Variants in LCK observed in about 807,000 individuals in gnomAD.
The protein encoded by LCK is LCK proto-oncogene, Src family tyrosine kinase.
In LCK, 14 loss-of-function variants were observed where a neutral mutation model predicts 64.6. The observed-to-expected ratio is 0.22, with a 90% CI of 0.14 to 0.34. The LOEUF is 0.34. LCK is among the 10% of genes least tolerant of loss of function. The pLI, the probability that LCK is intolerant of heterozygous loss-of-function variation, is 1.00. For missense variants in LCK, 434 were observed against 668.1 expected (o/e 0.65, Z 3.86); for synonymous variants, 277 against 263.6 (o/e 1.05, Z -0.49).
At chr1:32,282,492 G>A (rs996689271) in intron 12 of LCK, among the ~76,000 whole-genome samples, 1 of 152,140 alleles carries the variant, frequency 6.6e-6, no homozygotes, top group East Asian at 1.9e-4. Flanking sequence ...ATTTATTGGC[G>A]ATTGATTCAA....
At chr1:32,274,144 G>T in intron 1 of LCK, 181 bp from the exon 2 acceptor site, 1 of 1,326,000 alleles carries the variant, frequency 7.5e-7, no homozygotes, top group Non-Finnish European at 1.0e-6. Flanking sequence ...GGGCTCAGAG[G>T]GAGCACCGGT....
intron 1 of LCK, among the ~76,000 whole-genome samples, chr1:32,261,136 G>A (rs918490796): frequency 7.9e-5 from 12 of 151,294 alleles, no homozygotes; most frequent in Admixed American, 4.6e-4. Context: ...GTATAATCAC[G>A]GCTCACTGCA....
intron 1 of LCK, chr1:32,269,707 C>CA (rs1640025619): frequency 2.0e-5 from 3 of 151,842 alleles, no homozygotes; most frequent in Admixed American, 2.0e-4. Flanking sequence ...GCTGGGATTA[C>CA]AGGCATGAGC....
chr1:32,276,726 C>T lies in LCK; in HGVS notation c.904C>T (p.Arg302Trp). 1 of 1,613,914 alleles carries T rather than the reference C, an allele frequency of 6.2e-7. No individual in the cohort carries two copies. The highest frequency in any genetic ancestry group is 8.5e-7 in the Non-Finnish European group (1 of 1,179,956). Residue 302 changes from arginine to tryptophan, a missense_variant, in exon 9 of 13, where the codon CGG becomes TGG. Around this residue, in one of 2 missense-constraint regions of LCK, gnomAD observed 201 missense variants for 376.9 expected, o/e 0.53. Coordinates refer to ENST00000336890, the MANE Select transcript of LCK (RefSeq NM_005356.5). This position sits in a 1 kb window ranked among gnomAD's most constrained non-coding sequence, Gnocchi z 4.6. ...MKQLQHQRLV[R>W]LYAVVTQEPI... ...GCAGCTGCAACACCAGCGGCTGGTT[C>T]GGCTCTACGCTGTGGTCACCCAGGA...
At chr1:32,285,027 G>A (rs1020506643) in intron 12 of LCK, among the ~76,000 whole-genome samples, 12 of 151,500 alleles carry the variant, frequency 7.9e-5, no homozygotes, top group Non-Finnish European at 1.5e-5. Context: ...TAATCAGGTG[G>A]GCACGGTGGC....
At chr1:32,272,515 G>T (rs893293104) in intron 1 of LCK, among the ~76,000 whole-genome samples, 1 of 149,562 alleles carries the variant, frequency 6.7e-6, no homozygotes, top group Non-Finnish European at 1.5e-5. Flanking sequence ...AGCCCAGGAG[G>T]TCTAAGGGGA....
In LCK at chr1:32,280,181, T is replaced by C; in HGVS notation, c.1298T>C (p.Ile433Thr). 6.2e-7 allele frequency: 1 copy of C among 1,613,994 alleles called. No individual in the cohort carries two copies. Reference protein sequence around the residue: ...VWSFGILLTEIVTHGRIPYPG... With the variant: ...VWSFGILLTETVTHGRIPYPG... Reference sequence around the variant, plus strand: ...TCTTTTGGGATCCTGCTGACGGAAATTGTCACCCACGGCCGCATCCCTTAC... The same window carrying C: ...TCTTTTGGGATCCTGCTGACGGAAACTGTCACCCACGGCCGCATCCCTTAC... The change falls in exon 12 of 13, where the codon ATT (isoleucine) becomes ACT (threonine). Residue 433 changes from isoleucine (I) to threonine (T), a missense_variant. Ile to Thr is a moderately conservative substitution (Grantham distance 89). Transcript: ENST00000336890.
At chr1:32,267,536 A>G (rs57658832) in intron 1 of LCK, among the ~76,000 whole-genome samples, 16,823 of 151,748 alleles carry the variant, frequency 0.11, 2,230 homozygotes, top group African/African-American at 0.32. Flanking sequence ...CGAGGAGGGC[A>G]GATCACCTGA....
At position 32,276,381 on chromosome 1, in the gene LCK, A is replaced by ACCCAGAAGC. The variant is rs1640271932; in HGVS notation, c.687_695dup (p.Gln230_Pro232dup). On this transcript the variant is annotated inframe_insertion, in exon 8 of 13. Transcript: ENST00000336890. This position sits in a 1 kb window ranked among gnomAD's most constrained non-coding sequence, Gnocchi z 4.6. ...CACACGGTTGAGCCGCCCCTGCCAG[A>ACCCAGAAGC]CCCAGAAGCCCCAGAAGCCGTGGTG... The ACCCAGAAGC allele has an allele frequency of 6.2e-7, 1 of 1,611,582 alleles. No homozygotes were observed. The highest frequency in any genetic ancestry group is 8.5e-7 in the Non-Finnish European group (1 of 1,179,712).
At position 32,276,896 on chromosome 1, in the gene LCK, TC is replaced by T. The variant is rs1340929939; in HGVS notation, c.964+111del. The T allele has an allele frequency of 8.4e-7, 1 of 1,189,268 alleles. No homozygotes were observed. The highest frequency in any genetic ancestry group is 1.1e-6 in the Non-Finnish European group (1 of 880,144). The allele number at this position is 1,189,268 out of a possible 1,614,324, so 73.7% of individuals were successfully genotyped here. A position where few individuals can be genotyped will look rare whatever the true frequency, so the allele number is the denominator to read the frequency against. On this transcript the variant is annotated intron_variant, in intron 9 of 12. Transcript: ENST00000336890. The surrounding 1 kb of genome is among the most constrained non-coding windows in gnomAD (Gnocchi z 4.6). ...GCCCAAAGCTCAAGCAAGGAGGGTT[TC>T]TTGAGCTTTCCTGCCCCCTGGAGAC...
Position 32,276,127 on chromosome 1 carries a change from T to TGTCC in LCK, c.631+65_631+68dup, listed in dbSNP as rs1196937422. 8 of 1,576,384 alleles carry TGTCC rather than the reference T, an allele frequency of 5.1e-6. No homozygotes were observed. The East Asian group carries it at 1.6e-4, about 31-fold the overall frequency. ...CTATCTCCCCTCAGTCCCCCTCAGG[T>TGTCC]GTCCCCCATCCATCTTTCAATGCCC... On this transcript the variant is annotated intron_variant, in intron 7 of 12. Coordinates refer to ENST00000336890, the MANE Select transcript of LCK (RefSeq NM_005356.5). The surrounding 1 kb of genome is among the most constrained non-coding windows in gnomAD (Gnocchi z 4.6).
intron 1 of LCK, among the ~76,000 whole-genome samples, chr1:32,265,220 T>C (rs1450690414): frequency 6.6e-6 from 1 of 151,832 alleles, no homozygotes; most frequent in Non-Finnish European, 1.5e-5. Flanking sequence ...TTTAATTAAG[T>C]ATGCAATGAA....
intron 1 of LCK, among the ~76,000 whole-genome samples, chr1:32,252,370 A>G (rs1639529052): frequency 6.6e-6 from 1 of 152,160 alleles, no homozygotes; most frequent in African/African-American, 2.4e-5. Context: ...CATAGTTGCT[A>G]CCTGCTCACC....
rs1478327719 is a variant in LCK at position 32,276,857 on chromosome 1, C to T, written c.964+71C>T. 1.0e-5 allele frequency: 14 copies of T among 1,398,734 alleles called. No individual in the cohort carries two copies. The highest frequency in any genetic ancestry group is 1.3e-5 in the Non-Finnish European group (14 of 1,048,060). 86.6% of individuals were successfully genotyped at this position (1,398,734 alleles called of 1,614,324 possible). A position where few individuals can be genotyped will look rare whatever the true frequency, so the allele number is the denominator to read the frequency against. On this transcript the variant is annotated intron_variant, in intron 9 of 12. Transcript: ENST00000336890. The surrounding 1 kb of genome is among the most constrained non-coding windows in gnomAD (Gnocchi z 4.6). ...CTGTCCCTGCCAGAGGGTGGAAATA[C>T]ACCTTTTCTTCTGGCCCAAAGCTCA...
At chr1:32,254,919 T>C (rs1432967853) in intron 1 of LCK, among the ~76,000 whole-genome samples, 1 of 152,092 alleles carries the variant, frequency 6.6e-6, no homozygotes, top group Non-Finnish European at 1.5e-5. Context: ...GGGGCCGTGA[T>C]GGGAGGATCA....
intron 1 of LCK, among the ~76,000 whole-genome samples, chr1:32,253,518 G>A (rs577586704): frequency 1.3e-5 from 2 of 152,240 alleles, no homozygotes; most frequent in Admixed American, 1.3e-4. Flanking sequence ...TCCTGACCTC[G>A]TGATCCGCCC....
rs144437329 is a variant in LCK at position 32,274,413 on chromosome 1, C to A, written c.84C>A (p.Val28=). ...DVCENCHYPI[V]PLDGKGTLLI... Reference sequence around the variant, plus strand: ...GTGAGAACTGCCATTATCCCATAGTCCCACTGGATGGCAAGGGCACGGTAA... The same window carrying A: ...GTGAGAACTGCCATTATCCCATAGTACCACTGGATGGCAAGGGCACGGTAA... Residue 28 remains valine, a synonymous_variant, in exon 2 of 13, where the codon GTC becomes GTA. Transcript: ENST00000336890. 2 of 1,613,162 alleles carry A rather than the reference C, an allele frequency of 1.2e-6. No homozygotes were observed. The highest frequency in any genetic ancestry group is 8.5e-7 in the Non-Finnish European group (1 of 1,179,490).
chr1:32,285,625 G>T lies in LCK; in HGVS notation c.1439G>T (p.Arg480Leu). Reference protein sequence around the residue: ...YQLMRLCWKERPEDRPTFDYL... With the variant: ...YQLMRLCWKELPEDRPTFDYL... Reference sequence around the variant, plus strand: ...CTCATGAGGCTGTGCTGGAAGGAGCGCCCAGAGGACCGGCCCACCTTTGAC... The same window carrying T: ...CTCATGAGGCTGTGCTGGAAGGAGCTCCCAGAGGACCGGCCCACCTTTGAC... Residue 480 changes from arginine (R) to leucine (L), a missense_variant, in exon 13 of 13, where the codon CGC becomes CTC. Coordinates refer to ENST00000336890, the MANE Select transcript of LCK (RefSeq NM_005356.5). 6.2e-7 allele frequency: 1 copy of T among 1,614,212 alleles called. No individual in the cohort carries two copies. The highest frequency in any genetic ancestry group is 8.5e-7 in the Non-Finnish European group (1 of 1,180,046).
At chr1:32,281,856 T>C (rs1203855714) in intron 12 of LCK, among the ~76,000 whole-genome samples, 2 of 151,568 alleles carry the variant, frequency 1.3e-5, no homozygotes, top group Non-Finnish European at 2.9e-5. Context: ...CAAGGTCAGG[T>C]GTTCGAGACC....
Sources: allele counts gnomAD v4.1 joint callset (sites outside exome capture counted in the v4.1 genomes callset), GRCh38; gene constraint gnomAD v4.1.1; regional missense constraint gnomAD v4.1.1; non-coding constraint Gnocchi (gnomAD v3.1); transcripts MANE v1.5; gene names NCBI Gene and HGNC (gene_info 2026-07-23, HGNC 2026-07-21).